Variants in CPNE4 observed in about 807,000 individuals in gnomAD.
CPNE4 encodes copine 4.
A neutral mutation model predicts 67.9 loss-of-function variants in CPNE4; 25 were observed. That is an observed-to-expected ratio of 0.37 (90% CI 0.27 to 0.51). The LOEUF (loss-of-function observed/expected upper bound fraction) is 0.51. Ranked by LOEUF, CPNE4 falls within the 20% of genes least tolerant of loss-of-function variation. The pLI, the probability that CPNE4 is intolerant of heterozygous loss-of-function variation, is 0.93. For missense variants in CPNE4, 464 were observed against 690.8 expected, an observed-to-expected ratio of 0.67 and a Z score of 3.68; for synonymous variants, 242 against 244.9, an observed-to-expected ratio of 0.99 and a Z score of 0.11.
chr3:131,542,018 A>G (rs1045578359), intron 15 of CPNE4, among the ~76,000 whole-genome samples: 3 of 152,182 alleles, frequency 2.0e-5, no homozygotes, highest in African/African-American at 7.2e-5. Flanking sequence ...TGAAGGAGTT[A>G]AATAAATTTT....
chr3:131,721,785 T>G (rs1560181702), intron 3 of CPNE4, among the ~76,000 whole-genome samples: 4 of 152,176 alleles, frequency 2.6e-5, no homozygotes. Context: ...ATGGCTTACA[T>G]GTCTATAAAA....
At chr3:131,744,945 C>A (rs896777506) in intron 2 of CPNE4, among the ~76,000 whole-genome samples, 1 of 152,106 alleles carries the variant, frequency 6.6e-6, no homozygotes, top group Non-Finnish European at 1.5e-5. Flanking sequence ...TTGGGATAAA[C>A]GCCCAAGTGT....
rs141219633 is a variant in CPNE4 at position 131,650,744 on chromosome 3, C to CAAAAAAAAAAA, written c.681+18920_681+18930dup. Among the ~76,000 whole-genome samples, 180 of 61,208 alleles carry CAAAAAAAAAAA rather than the reference C, an allele frequency of 2.9e-3. 2 individuals carry two copies. Among genetic ancestry groups the CAAAAAAAAAAA allele is most frequent in the African/African-American group, 7.9e-3 (91 of 11,532 alleles). The allele number at this position is 61,208 out of a possible 152,430, so 40.2% of individuals were successfully genotyped here. A position where few individuals can be genotyped will look rare whatever the true frequency, so the allele number is the denominator to read the frequency against. On this transcript the variant is annotated intron_variant, in intron 7 of 15. Coordinates refer to ENST00000429747, the MANE Select transcript of CPNE4 (RefSeq NM_130808.3). ...TGGGGGACAGAGCAAGACTCCGTCT[C>CAAAAAAAAAAA]AAAAAAAAAAAAAAAAAAAAAAAAA...
At chr3:131,699,835 T>A (rs2081248512) in intron 4 of CPNE4, 74 bp downstream of exon 4, 14 of 1,147,580 alleles carry the variant, frequency 1.2e-5, no homozygotes, top group Non-Finnish European at 1.8e-5. Flanking sequence ...GCTTCCCAAG[T>A]GTCTGGTTTG....
At chr3:131,689,913 G>A (rs1373580848) in intron 5 of CPNE4, among the ~76,000 whole-genome samples, 1 of 151,756 alleles carries the variant, frequency 6.6e-6, no homozygotes, top group African/African-American at 2.4e-5. Flanking sequence ...TACAAAGTGA[G>A]AGCTCCATCA....
intron 1 of CPNE4, among the ~76,000 whole-genome samples, chr3:132,032,024 A>C (rs1190937803): frequency 2.0e-5 from 3 of 152,232 alleles, no homozygotes; most frequent in Non-Finnish European, 4.4e-5. Flanking sequence ...GATTAAGTAT[A>C]CTTTAGAACA....
chr3:131,630,009 T>C lies in CPNE4; in HGVS notation c.681+39666A>G, dbSNP rs144224717. On this transcript the variant is annotated intron_variant, in intron 7 of 15. Transcript: ENST00000429747. ...TCCTTCTTCTTGTGATGATATGAGA[T>C]GATAAAATTGCTATATGATGAGAAG... is the stretch of plus-strand genomic sequence containing the variant. Among the ~76,000 whole-genome samples, 975 of 152,282 alleles carry C rather than the reference T, an allele frequency of 6.4e-3. 3 individuals carry two copies. Among genetic ancestry groups the C allele is most frequent in the Non-Finnish European group, 0.011 (770 of 68,028 alleles).
chr3:131,646,416 G>T (rs1303237498), intron 7 of CPNE4, among the ~76,000 whole-genome samples: 1 of 152,108 alleles, frequency 6.6e-6, no homozygotes, highest in African/African-American at 2.4e-5. Context: ...TCACCACAGT[G>T]AGGAAAAGCT....
chr3:131,643,361 G>C (rs7429918), intron 7 of CPNE4, among the ~76,000 whole-genome samples: 52 of 152,220 alleles, frequency 3.4e-4, no homozygotes, highest in African/African-American at 7.0e-4. Flanking sequence ...TTTTGGACTT[G>C]CATGGGGCTG....
At chr3:131,720,509 C>G (rs2081855466) in intron 3 of CPNE4, among the ~76,000 whole-genome samples, 1 of 152,116 alleles carries the variant, frequency 6.6e-6, no homozygotes, top group Non-Finnish European at 1.5e-5. Context: ...TGGTCTCGAT[C>G]TCCTGACCTT....
chr3:131,888,824 C>G (rs1408043759), intron 2 of CPNE4, among the ~76,000 whole-genome samples: 2 of 148,342 alleles, frequency 1.3e-5, no homozygotes, highest in Admixed American at 1.4e-4. Context: ...ACAGATCAAT[C>G]AAAGTGCTTA....
intron 2 of CPNE4, among the ~76,000 whole-genome samples, chr3:131,852,892 G>T (rs919566489): frequency 6.6e-6 from 1 of 151,170 alleles, no homozygotes; most frequent in Non-Finnish European, 1.5e-5. Context: ...AATACCTAGG[G>T]ATAATCTTAG....
intron 1 of CPNE4, among the ~76,000 whole-genome samples, chr3:131,969,530 T>C (rs2072447724): frequency 6.6e-6 from 1 of 152,174 alleles, no homozygotes; most frequent in South Asian, 2.1e-4. Flanking sequence ...ATTTTTAGCA[T>C]ATAATAAACT....
At chr3:131,682,540 C>T (rs564493667) in intron 6 of CPNE4, among the ~76,000 whole-genome samples, 19 of 152,276 alleles carry the variant, frequency 1.2e-4, no homozygotes, top group Admixed American at 6.5e-4. Context: ...TGGGGTGACA[C>T]GAGCACCACT....
At chr3:131,892,796 C>T (rs1466932134) in intron 2 of CPNE4, among the ~76,000 whole-genome samples, 3 of 151,494 alleles carry the variant, frequency 2.0e-5, no homozygotes, top group Non-Finnish European at 4.4e-5. Flanking sequence ...TGTATTAGCC[C>T]CATGGTAACT....
chr3:131,708,959 TATA>T (rs1199973061), intron 3 of CPNE4, among the ~76,000 whole-genome samples: 40 of 55,686 alleles, frequency 7.2e-4, no homozygotes, highest in African/African-American at 4.2e-3. Flanking sequence ...GGCATAAAGA[TATA>T]TATATATATA....
At chr3:131,944,192 C>G (rs1388814598) in intron 1 of CPNE4, among the ~76,000 whole-genome samples, 1 of 151,864 alleles carries the variant, frequency 6.6e-6, no homozygotes, top group Non-Finnish European at 1.5e-5. Flanking sequence ...ATCTCCTAAA[C>G]ATGGCAAAGC....
At position 131,573,825 on chromosome 3, in the gene CPNE4, G is replaced by T. The variant is rs150365016; in HGVS notation, c.927+1246C>A. On this transcript the variant is annotated intron_variant, in intron 10 of 15. Transcript: ENST00000429747. ...TATGTGACAGTGTGAATGTAGGAAG[G>T]CTTGCTGGCTGTGCATTAGAGAATC... is the stretch of plus-strand genomic sequence containing the variant. 3.8e-3 allele frequency among the ~76,000 whole-genome samples: 573 copies of T among 152,160 alleles called. 3 individuals are homozygous for T. Among genetic ancestry groups the T allele is most frequent in the African/African-American group, 0.013 (522 of 41,548 alleles).
At chr3:131,756,504 T>C (rs1248526282) in intron 2 of CPNE4, among the ~76,000 whole-genome samples, 1 of 152,196 alleles carries the variant, frequency 6.6e-6, no homozygotes, top group Non-Finnish European at 1.5e-5. Flanking sequence ...GAAAGGTACA[T>C]TGCATTATCA....
Sources: gnomAD v4.1 joint callset for allele counts (sites outside exome capture counted in the v4.1 genomes callset) on GRCh38, gnomAD v4.1.1 for gene constraint, MANE v1.5 for transcripts, NCBI Gene and HGNC (gene_info 2026-07-23, HGNC 2026-07-21) for gene names.